ENTREP2: variants seen among roughly 807,000 people sequenced by gnomAD.
The protein encoded by ENTREP2 is endosomal transmembrane epsin interactor 2.
At chr15:29,385,652 T>C in the ENTREP2 span, among the ~76,000 whole-genome samples, 3 of 152,072 alleles carry the variant, frequency 2.0e-5, no homozygotes, top group African/African-American at 4.8e-5. Context: ...GGTTGCAGCC[T>C]TGTGAAACCT....
chr15:29,189,241 T>C, the ENTREP2 span, among the ~76,000 whole-genome samples: 1 of 152,166 alleles, frequency 6.6e-6, no homozygotes, highest in Middle Eastern at 3.4e-3. Context: ...GCCCTTAACA[T>C]GTGGGATCCA....
the ENTREP2 span, among the ~76,000 whole-genome samples, chr15:29,454,294 CTTA>C: frequency 6.6e-6 from 1 of 152,164 alleles, no homozygotes; most frequent in Non-Finnish European, 1.5e-5. Context: ...TTAATGTTTT[CTTA>C]TTGATTTATG....
At chr15:29,495,612 CT>C in the ENTREP2 span, among the ~76,000 whole-genome samples, 2,063 of 151,738 alleles carry the variant, frequency 0.014, 41 homozygotes, top group African/African-American at 0.047. Context: ...CATATTTTTT[CT>C]TTTTTTGCAT....
chr15:29,554,645 AG>A, the ENTREP2 span, among the ~76,000 whole-genome samples: 1 of 152,182 alleles, frequency 6.6e-6, no homozygotes, highest in East Asian at 1.9e-4. Context: ...AGTGTGCTGA[AG>A]GAAAATAAAA....
At chr15:29,321,996 T>A in the ENTREP2 span, among the ~76,000 whole-genome samples, 27 of 149,822 alleles carry the variant, frequency 1.8e-4, 1 homozygote, top group East Asian at 6.0e-4. Flanking sequence ...AATTTAAATT[T>A]AAAAAAAAGG....
At chr15:29,674,357 C>T in the ENTREP2 span, among the ~76,000 whole-genome samples, 7 of 152,148 alleles carry the variant, frequency 4.6e-5, no homozygotes, top group African/African-American at 1.7e-4. Context: ...GCAACATCTG[C>T]CTTCCAGGCT....
chr15:29,333,931 G>A, the ENTREP2 span, among the ~76,000 whole-genome samples: 1 of 151,832 alleles, frequency 6.6e-6, no homozygotes, highest in African/African-American at 2.4e-5. Flanking sequence ...GGCAGAGACG[G>A]GGTGATGCAT....
chr15:29,503,924 T>C, the ENTREP2 span, among the ~76,000 whole-genome samples: 1 of 152,190 alleles, frequency 6.6e-6, no homozygotes, highest in East Asian at 1.9e-4. Flanking sequence ...TACAATTTTG[T>C]ATTCTTTCTG....
chr15:29,455,484 A>G, the ENTREP2 span, among the ~76,000 whole-genome samples: 1 of 152,220 alleles, frequency 6.6e-6, no homozygotes. Context: ...ATGATCATAC[A>G]TATTTCTTAA....
At chr15:29,190,581 G>T in the ENTREP2 span, among the ~76,000 whole-genome samples, 1 of 152,270 alleles carries the variant, frequency 6.6e-6, no homozygotes, top group Non-Finnish European at 1.5e-5. Context: ...CAGCCTTCCA[G>T]GTATGGGAGG....
the ENTREP2 span, among the ~76,000 whole-genome samples, chr15:29,366,228 C>T: frequency 0.17 from 25,772 of 151,940 alleles, 2,394 homozygotes; most frequent in East Asian, 0.38. Context: ...TTCATGCCAC[C>T]AGGCCTGGCT....
the ENTREP2 span, among the ~76,000 whole-genome samples, chr15:29,568,627 C>A: frequency 6.6e-6 from 1 of 151,358 alleles, no homozygotes; most frequent in Non-Finnish European, 1.5e-5. Context: ...TCGCTTCAGC[C>A]CAGCAGTTCC....
chr15:29,172,247 T>A, the ENTREP2 span, among the ~76,000 whole-genome samples: 1 of 152,198 alleles, frequency 6.6e-6, no homozygotes, highest in Non-Finnish European at 1.5e-5. Context: ...CCAATTCCAG[T>A]TCCATCGTGA....
chr15:29,543,543 G>GT, the ENTREP2 span, among the ~76,000 whole-genome samples: 1 of 50,092 alleles, frequency 2.0e-5, no homozygotes, highest in African/African-American at 1.4e-4. Context: ...CATTTTGGGA[G>GT]CTGAGGTAGG....
the ENTREP2 span, among the ~76,000 whole-genome samples, chr15:29,247,004 C>CACAA: frequency 2.6e-5 from 4 of 151,884 alleles, no homozygotes; most frequent in Non-Finnish European, 5.9e-5. Context: ...CACACACACA[C>CACAA]ACACACACAC....
At chr15:29,157,418 T>C in the ENTREP2 span, among the ~76,000 whole-genome samples, 1 of 152,220 alleles carries the variant, frequency 6.6e-6, no homozygotes, top group Non-Finnish European at 1.5e-5. Context: ...GAAATTACCA[T>C]TCTCACCTCA....
At chr15:29,455,779 G>A in the ENTREP2 span, among the ~76,000 whole-genome samples, 1 of 152,188 alleles carries the variant, frequency 6.6e-6, no homozygotes. Context: ...CCCACTGCTT[G>A]TGTTACCACC....
the ENTREP2 span, among the ~76,000 whole-genome samples, chr15:29,316,370 A>C: frequency 1.3e-5 from 2 of 152,222 alleles, no homozygotes; most frequent in African/African-American, 4.8e-5. Context: ...GAGACTTAAG[A>C]GACCTAACAA....
chr15:29,451,684 G>A, the ENTREP2 span, among the ~76,000 whole-genome samples: 1 of 152,128 alleles, frequency 6.6e-6, no homozygotes, highest in South Asian at 2.1e-4. Flanking sequence ...TGCAGGCAGC[G>A]AAGCCCCCTC....
Sources: allele counts gnomAD v4.1 joint callset (sites outside exome capture counted in the v4.1 genomes callset), GRCh38; gene constraint gnomAD v4.1.1; transcripts MANE v1.5; gene names NCBI Gene and HGNC (gene_info 2026-07-23, HGNC 2026-07-21).